The following LDLRAD4 variants were observed in gnomAD, a reference collection of about 807,000 sequenced individuals.
LDLRAD4 encodes the protein low density lipoprotein receptor class A domain containing 4.
A neutral mutation model predicts 17.0 loss-of-function variants in LDLRAD4; 5 were observed. That is an observed-to-expected ratio of 0.29 (90% CI 0.15 to 0.62). The LOEUF (loss-of-function observed/expected upper bound fraction) is 0.62. Among genes scored for constraint, LDLRAD4 ranks in the 20% least tolerant of loss-of-function variants. The pLI, the probability that LDLRAD4 is intolerant of heterozygous loss-of-function variation, is 0.84. For missense variants in LDLRAD4, 340 were observed against 424.7 expected (o/e 0.80, Z 1.75); for synonymous variants, 168 against 171.8 (o/e 0.98, Z 0.17).
chr18:13,555,461 C>T (rs2094474431), intron 3 of LDLRAD4, among the ~76,000 whole-genome samples: 1 of 152,176 alleles, frequency 6.6e-6, no homozygotes, highest in South Asian at 2.1e-4. Context: ...AGAAATGATT[C>T]AGCTGGTTTA....
chr18:13,609,530 CGTGTGTGTGT>C (rs72225166), intron 3 of LDLRAD4, among the ~76,000 whole-genome samples: 4 of 149,440 alleles, frequency 2.7e-5, no homozygotes, highest in Admixed American at 6.6e-5. Context: ...TGTGTGTGTG[CGTGTGTGTGT>C]GTGTGTGTGT....
Position 13,307,240 on chromosome 18 carries a change from C to T in LDLRAD4, c.-383+29052C>T, listed in dbSNP as rs1379117048. ...GTGCCTTTCCTGTCCCGGTTCCCAC[C>T]TCCTTCATCGCTTCTGTCTCTGCCC... is the stretch of plus-strand genomic sequence containing the variant. On this transcript the variant is annotated intron_variant, in intron 1 of 5. Transcript: ENST00000359446. Among the ~76,000 whole-genome samples, 146 of 152,232 alleles carry T rather than the reference C, an allele frequency of 9.6e-4. 1 individual carries two copies. Among genetic ancestry groups the T allele is most frequent in the Non-Finnish European group, 2.4e-4 (16 of 68,006 alleles).
intron 1 of LDLRAD4, among the ~76,000 whole-genome samples, chr18:13,341,486 C>CTAATTATTT (rs1201245750): frequency 1.9e-4 from 29 of 152,048 alleles, no homozygotes; most frequent in Admixed American, 4.6e-4. Flanking sequence ...ATTTCTGACA[C>CTAATTATTT]TATTATAAAA....
At chr18:13,239,932 T>G (rs2042544258) in intron 1 of LDLRAD4, 1 of 152,318 alleles carries the variant, frequency 6.6e-6, no homozygotes, top group South Asian at 2.1e-4. Flanking sequence ...TTGTTTGGTT[T>G]GCCATGGGTA....
At chr18:13,591,448 G>C (rs5011710) in intron 3 of LDLRAD4, among the ~76,000 whole-genome samples, 1 of 143,716 alleles carries the variant, frequency 7.0e-6, no homozygotes, top group Non-Finnish European at 1.5e-5. Flanking sequence ...GTGTGTGTGT[G>C]TCTCTGTGTG....
chr18:13,465,087 T>C (rs2092569745), intron 3 of LDLRAD4: 1 of 152,268 alleles, frequency 6.6e-6, no homozygotes, highest in Non-Finnish European at 1.5e-5. Context: ...CAGGGAGTGC[T>C]CTGTTCACGG....
chr18:13,629,880 G>A (rs2041510246), intron 4 of LDLRAD4, among the ~76,000 whole-genome samples: 1 of 151,734 alleles, frequency 6.6e-6, no homozygotes, highest in African/African-American at 2.4e-5. Flanking sequence ...TCTTGGCAAA[G>A]CCCCAGCAGC....
intron 3 of LDLRAD4, among the ~76,000 whole-genome samples, chr18:13,564,342 T>C (rs2094571669): frequency 6.6e-6 from 1 of 152,150 alleles, no homozygotes; most frequent in African/African-American, 2.4e-5. Context: ...CCTATGTTGT[T>C]GTATCTAAAG....
At chr18:13,620,978 T>C (rs2040573800) in intron 3 of LDLRAD4, 139 bp from the exon 5 acceptor site, 1 of 1,224,620 alleles carries the variant, frequency 8.2e-7, no homozygotes. Context: ...GACAGTCGTT[T>C]CTGTGTCCTG....
At chr18:13,393,165 C>G (rs547411750) in intron 2 of LDLRAD4, among the ~76,000 whole-genome samples, 1 of 152,294 alleles carries the variant, frequency 6.6e-6, no homozygotes, top group South Asian at 2.1e-4. Context: ...GGCTGACCCA[C>G]GGATGCCCTC....
At chr18:13,324,932 G>A (rs2081440406) in intron 1 of LDLRAD4, among the ~76,000 whole-genome samples, 1 of 152,174 alleles carries the variant, frequency 6.6e-6, no homozygotes, top group African/African-American at 2.4e-5. Context: ...TGAAAGGAGG[G>A]GTAGAGGGAC....
chr18:13,388,235 G>A (rs2085976516), intron 2 of LDLRAD4, among the ~76,000 whole-genome samples: 1 of 152,324 alleles, frequency 6.6e-6, no homozygotes, highest in Non-Finnish European at 1.5e-5. Context: ...TGCAGTGAGC[G>A]GGGAGAAGTG....
intron 1 of LDLRAD4, among the ~76,000 whole-genome samples, chr18:13,309,123 C>A (rs572627883): frequency 6.6e-6 from 1 of 152,316 alleles, no homozygotes; most frequent in African/African-American, 2.4e-5. Flanking sequence ...TCAGCAGAGG[C>A]AGATTAGACT....
chr18:13,578,827 C>CTGTTTTTTTTTTTTT (rs2094812795), intron 3 of LDLRAD4, among the ~76,000 whole-genome samples: 1 of 65,676 alleles, frequency 1.5e-5, no homozygotes, highest in Non-Finnish European at 2.8e-5. Flanking sequence ...TTGTCCGGGT[C>CTGTTTTTTTTTTTTT]TTTTTTTTTT....
At chr18:13,537,177 A>T (rs890592841) in intron 3 of LDLRAD4, among the ~76,000 whole-genome samples, 2 of 152,212 alleles carry the variant, frequency 1.3e-5, no homozygotes, top group African/African-American at 4.8e-5. Flanking sequence ...CTATTTTCTG[A>T]AATAATTTGC....
chr18:13,289,673 C>A (rs2045853663), intron 1 of LDLRAD4, among the ~76,000 whole-genome samples: 1 of 152,306 alleles, frequency 6.6e-6, no homozygotes, highest in South Asian at 2.1e-4. Context: ...CCGTCTGTCT[C>A]TATGCTCAGC....
chr18:13,283,487 C>G (rs148797727), intron 1 of LDLRAD4, among the ~76,000 whole-genome samples: 11 of 152,328 alleles, frequency 7.2e-5, no homozygotes, highest in African/African-American at 2.4e-4. Flanking sequence ...TGTTGCCAGT[C>G]TCTTTGCTAA....
chr18:13,266,469 CT>C (rs1345461408), intron 1 of LDLRAD4, among the ~76,000 whole-genome samples: 5 of 152,220 alleles, frequency 3.3e-5, no homozygotes, highest in African/African-American at 1.2e-4. Context: ...CTTGGCTTTC[CT>C]TTCCTTTCTG....
chr18:13,282,433 G>A (rs1567964818), intron 1 of LDLRAD4, among the ~76,000 whole-genome samples: 1 of 152,204 alleles, frequency 6.6e-6, no homozygotes, highest in Non-Finnish European at 1.5e-5. Flanking sequence ...AAGGGTACAG[G>A]TATTGGGTAA....
Sources: allele counts gnomAD v4.1 joint callset (sites outside exome capture counted in the v4.1 genomes callset), GRCh38; gene constraint gnomAD v4.1.1; transcripts MANE v1.5; gene names NCBI Gene and HGNC (gene_info 2026-07-23, HGNC 2026-07-21).